Variants in MED16 observed in about 807,000 individuals in gnomAD.
MED16 encodes the protein mediator complex subunit 16.
In MED16, 81 loss-of-function variants were observed where a neutral mutation model predicts 84.4. The observed-to-expected ratio is 0.96, with a 90% CI of 0.80 to 1.15. The LOEUF is 1.15. MED16 is among the 50% of genes most tolerant of loss of function. The pLI is 0.00. For synonymous variants in MED16, 897 were observed against 552.2 expected (o/e 1.62, Z -8.76); for missense variants, 1,585 against 1,245.9 (o/e 1.27, Z -4.10).
intron 7 of MED16, among the ~76,000 whole-genome samples, chr19:880,474 G>A (rs2036397323): frequency 1.3e-5 from 2 of 152,206 alleles, no homozygotes; most frequent in African/African-American, 4.8e-5. Context: ...CCAAGGGTTG[G>A]GGCTCCTGGC....
chr19:880,104 G>A lies in MED16; in HGVS notation c.1186C>T (p.Arg396Trp), dbSNP rs765310726. 6.8e-6 allele frequency: 11 copies of A among 1,610,378 alleles called. No homozygotes were observed. Among genetic ancestry groups the A allele is most frequent in the Admixed American group, 1.7e-5 (1 of 59,916 alleles). Residue 396 changes from arginine (R) to tryptophan (W), a missense_variant, in exon 8 of 16, where the codon CGG becomes TGG. Transcript: ENST00000325464. ...FHDGSVHIVH[R>W]LSLQTMAVFY... ...ACGGCCATGGTCTGCAGTGAGAGCC[G>A]GTGCACGATGTGGACGCTGCCGTCG...
chr19:875,540 C>CT (rs1274276735), intron 9 of MED16, 86 bp from the exon 10 acceptor site: 2 of 1,107,858 alleles, frequency 1.8e-6, no homozygotes, highest in Admixed American at 2.5e-5. Context: ...CAGTTCGACT[C>CT]TGACACCAGG....
intron 11 of MED16, chr19:872,829 G>T: frequency 2.5e-6 from 1 of 405,232 alleles, no homozygotes; most frequent in Non-Finnish European, 3.5e-6. Context: ...CTTCGTGTAG[G>T]GGTGGGGCTG....
chr19:880,385 G>T (rs1444107464), intron 7 of MED16, among the ~76,000 whole-genome samples: 1 of 152,176 alleles, frequency 6.6e-6, no homozygotes, highest in East Asian at 1.9e-4. Flanking sequence ...GCCCCTCCCC[G>T]CCCCTCCCAG....
rs1164530764 is a variant in MED16, at chr19:873,521, C to T, written c.1833G>A (p.Leu611=). The T allele has an allele frequency of 1.2e-6, 2 of 1,612,170 alleles. No individual in the cohort carries two copies. Among genetic ancestry groups the T allele is most frequent in the African/African-American group, 2.7e-5 (2 of 74,856 alleles). ...TEEFVLDMNT[L]QALQQLLQWV... is the part of the protein sequence containing the mutation. ...ACTGCAAGAGCTGCTGCAGCGCCTG[C>T]AGTGTGTTCATGTCCAGCACAAATT... Residue 611 remains leucine, a synonymous_variant, in exon 11 of 16, where the codon CTG becomes CTA. Coordinates refer to ENST00000325464, the MANE Select transcript of MED16 (RefSeq NM_005481.3).
At chr19:877,224 G>A (rs781590715) in intron 8 of MED16, 44 bp from the exon 9 acceptor site, 6 of 1,558,510 alleles carry the variant, frequency 3.8e-6, no homozygotes, top group Middle Eastern at 1.9e-4. Context: ...AGATGGGGCT[G>A]CGCCCTCAGC....
chr19:890,037 T>C (rs2036602237), intron 3 of MED16, 100 bp downstream of exon 3: 2 of 952,934 alleles, frequency 2.1e-6, no homozygotes, highest in South Asian at 1.6e-5. Context: ...CCAGGGGCTC[T>C]AGACCCAGCG....
Position 868,941 on chromosome 19 carries a change from G to A in MED16, c.2321C>T (p.Pro774Leu), listed in dbSNP as rs747559673. ...CAGGTGGTCGATCTTGGGCTGGCCT[G>A]GGGCCCTGGCGGGAGAGGGGAGAAC... ...TLQLDGLARA[P>L]GQPKIDHLRR... Residue 774 changes from proline (P) to leucine (L), a missense_variant, in exon 14 of 16, where the codon CCA (proline) becomes CTA (leucine). Coordinates refer to ENST00000325464, the MANE Select transcript of MED16 (RefSeq NM_005481.3). The A allele has an allele frequency of 5.8e-6, 9 of 1,539,986 alleles. No homozygotes were observed. The highest frequency in any genetic ancestry group is 4.7e-5 in the East Asian group (2 of 42,128).
At chr19:885,044 C>G in intron 5 of MED16, 36 bp from the exon 6 acceptor site, 2 of 1,514,216 alleles carry the variant, frequency 1.3e-6, no homozygotes, top group Non-Finnish European at 1.8e-6. Flanking sequence ...TGACCCGGCA[C>G]TGCTGTGGTG....
chr19:890,494 A>C, intron 2 of MED16: 1 of 440,284 alleles, frequency 2.3e-6, no homozygotes, highest in Non-Finnish European at 4.0e-6. Context: ...GAACAGTGGG[A>C]GCCTCTCCAC....
intron 4 of MED16, among the ~76,000 whole-genome samples, chr19:889,318 C>T (rs902337162): frequency 2.6e-5 from 4 of 152,186 alleles, no homozygotes; most frequent in African/African-American, 9.7e-5. Flanking sequence ...GTTATACATG[C>T]AGCTACCTAA....
chr19:872,147 G>C, intron 11 of MED16, 29 bp from the exon 12 acceptor site: 2 of 1,569,144 alleles, frequency 1.3e-6, no homozygotes, highest in South Asian at 1.2e-5. Context: ...GGTGTGGCTG[G>C]GGCGGCGGGG....
intron 13 of MED16, among the ~76,000 whole-genome samples, chr19:869,749 T>C (rs1315246426): frequency 6.6e-6 from 1 of 152,192 alleles, no homozygotes; most frequent in African/African-American, 2.4e-5. Context: ...TTTCTTCCTT[T>C]TGCTCATCTG....
chr19:873,803 C>A (rs1050782085), intron 10 of MED16, among the ~76,000 whole-genome samples: 2 of 152,146 alleles, frequency 1.3e-5, no homozygotes, highest in African/African-American at 4.8e-5. Context: ...TCAGCACCAA[C>A]CAGCTTCTCT....
chr19:879,407 C>T (rs1313089478), intron 8 of MED16, among the ~76,000 whole-genome samples: 14 of 130,456 alleles, frequency 1.1e-4, no homozygotes, highest in African/African-American at 4.3e-4. Context: ...TCACCTTTCC[C>T]TGGTTGTCAA....
At chr19:881,521 A>G (rs1259446420) in intron 7 of MED16, 38 bp downstream of exon 7, 1 of 1,588,342 alleles carries the variant, frequency 6.3e-7, no homozygotes, top group Non-Finnish European at 8.6e-7. Context: ...CCTGGTGTGA[A>G]CTGAGGCCCC....
At chr19:889,051 TC>T (rs143513224) in intron 4 of MED16, among the ~76,000 whole-genome samples, 93 of 90,246 alleles carry the variant, frequency 1.0e-3, no homozygotes, top group African/African-American at 3.2e-3. Context: ...CTCTTAACTG[TC>T]CCCCCCAACC....
intron 4 of MED16, among the ~76,000 whole-genome samples, chr19:886,454 G>A (rs1187471646): frequency 1.3e-5 from 2 of 152,242 alleles, no homozygotes; most frequent in Non-Finnish European, 2.9e-5. Flanking sequence ...GTGAACGTGT[G>A]CGCAACGGGA....
At chr19:884,385 G>A (rs2036482895) in intron 6 of MED16, among the ~76,000 whole-genome samples, 1 of 152,102 alleles carries the variant, frequency 6.6e-6, no homozygotes, top group South Asian at 2.1e-4. Context: ...ATAGAGATGG[G>A]AATGGGGGCC....
Sources: allele counts gnomAD v4.1 joint callset (sites outside exome capture counted in the v4.1 genomes callset), GRCh38; gene constraint gnomAD v4.1.1; transcripts MANE v1.5; gene names NCBI Gene and HGNC (gene_info 2026-07-23, HGNC 2026-07-21).